IQGAP2: variants seen among roughly 807,000 people sequenced by gnomAD.
IQGAP2 encodes the protein IQ motif containing GTPase activating protein 2.
In IQGAP2, 173 loss-of-function variants were observed where a neutral mutation model predicts 201.3. That is an observed-to-expected ratio of 0.86 (90% CI 0.76 to 0.98). IQGAP2 has a LOEUF of 0.98. Ranked by LOEUF, IQGAP2 falls within the 50% of genes least tolerant of loss-of-function variation. The pLI is 0.00. For synonymous variants in IQGAP2, 675 were observed against 673.9 expected (o/e 1.00, Z -0.03); for missense variants, 1,687 against 1,864.8 (o/e 0.90, Z 1.76).
At chr5:76,630,378 C>T (rs1750598009) in intron 14 of IQGAP2, among the ~76,000 whole-genome samples, 2 of 152,144 alleles carry the variant, frequency 1.3e-5, no homozygotes, top group South Asian at 4.1e-4. Context: ...CTACTTTATA[C>T]CATAGACTTT....
chr5:76,501,440 A>G (rs976334618), intron 2 of IQGAP2, among the ~76,000 whole-genome samples: 2 of 152,044 alleles, frequency 1.3e-5, no homozygotes, highest in African/African-American at 4.8e-5. Flanking sequence ...ATAATAAACT[A>G]TAAAGGAAAA....
chr5:76,509,057 G>GTA (rs773807316), intron 2 of IQGAP2, among the ~76,000 whole-genome samples: 8 of 141,858 alleles, frequency 5.6e-5, no homozygotes, highest in Non-Finnish European at 9.4e-5. Context: ...GTGTGTGTGT[G>GTA]TATGTATGTA....
chr5:76,412,030 C>T (rs1477026097), intron 1 of IQGAP2, among the ~76,000 whole-genome samples: 1 of 152,086 alleles, frequency 6.6e-6, no homozygotes, highest in Non-Finnish European at 1.5e-5. Flanking sequence ...TTTTTTTTCT[C>T]TCCAGGACAC....
At chr5:76,448,482 A>C (rs1753538608) in intron 1 of IQGAP2, among the ~76,000 whole-genome samples, 1 of 152,168 alleles carries the variant, frequency 6.6e-6, no homozygotes, top group African/African-American at 2.4e-5. Context: ...TCAAGATGAA[A>C]GGAAGGCTGG....
intron 21 of IQGAP2, 149 bp downstream of exon 21, chr5:76,658,816 A>T: frequency 1.3e-6 from 1 of 746,294 alleles, no homozygotes. Context: ...ACTTACCTAA[A>T]CATAGATGGT....
chr5:76,617,827 G>A lies in IQGAP2; in HGVS notation c.1521+6644G>A, dbSNP rs142494940. On this transcript the variant is annotated intron_variant, in intron 13 of 35. Coordinates refer to ENST00000274364, the MANE Select transcript of IQGAP2 (RefSeq NM_006633.5). Reference sequence around the variant, plus strand: ...GCCTTAACATACCACAACCATCTATGATCGTATGCATTAAGTGTCCGGATG... The same window carrying A: ...GCCTTAACATACCACAACCATCTATAATCGTATGCATTAAGTGTCCGGATG... 3.7e-6 allele frequency: 6 copies of A among 1,613,756 alleles called. No homozygotes were observed. Among genetic ancestry groups the A allele is most frequent in the African/African-American group, 1.3e-5 (1 of 74,880 alleles).
chr5:76,569,044 A>C (rs750039334), intron 3 of IQGAP2, among the ~76,000 whole-genome samples: 4 of 152,198 alleles, frequency 2.6e-5, no homozygotes, highest in Non-Finnish European at 5.9e-5. Flanking sequence ...CTGACCTGTC[A>C]ACTCTCTGGG....
intron 12 of IQGAP2, 84 bp from the exon 13 acceptor site, chr5:76,610,936 T>G: frequency 8.8e-7 from 1 of 1,131,048 alleles, no homozygotes; most frequent in Non-Finnish European, 1.3e-6. Context: ...GCTGTACTAG[T>G]TAATTAGCCT....
Position 76,524,460 on chromosome 5 carries a change from C to G in IQGAP2, c.147-37936C>G, listed in dbSNP as rs762461785. 2.0e-5 allele frequency among the ~76,000 whole-genome samples: 3 copies of G among 152,124 alleles called. No homozygotes were observed. The East Asian group carries it at 5.8e-4, about 29-fold the overall frequency. On this transcript the variant is annotated intron_variant, in intron 2 of 35. Transcript: ENST00000274364. ...ATTTGAGAATCAGTTAGTACCGATC[C>G]GATCCAGTGATATATAAGCAAAAAT...
chr5:76,604,824 G>T (rs1167182206), intron 11 of IQGAP2, among the ~76,000 whole-genome samples: 1 of 152,104 alleles, frequency 6.6e-6, no homozygotes, highest in African/African-American at 2.4e-5. Flanking sequence ...AAAATAAATT[G>T]TTACCACCAT....
intron 15 of IQGAP2, among the ~76,000 whole-genome samples, chr5:76,632,804 A>T (rs1489324510): frequency 3.0e-5 from 4 of 132,548 alleles, no homozygotes; most frequent in Non-Finnish European, 6.6e-5. Flanking sequence ...CCTTAGAAGT[A>T]GAGCTTAAGG....
intron 2 of IQGAP2, among the ~76,000 whole-genome samples, chr5:76,463,507 G>A (rs894787344): frequency 6.6e-6 from 1 of 152,216 alleles, no homozygotes; most frequent in Non-Finnish European, 1.5e-5. Context: ...GAAGGTGAAA[G>A]TATTCTGTAA....
chr5:76,524,623 A>C (rs1013564368), intron 2 of IQGAP2, among the ~76,000 whole-genome samples: 1 of 152,232 alleles, frequency 6.6e-6, no homozygotes, highest in Non-Finnish European at 1.5e-5. Context: ...ATCAAAAAAC[A>C]TAAGAGTTGA....
chr5:76,523,622 A>C (rs1451971651), intron 2 of IQGAP2, among the ~76,000 whole-genome samples: 2 of 152,188 alleles, frequency 1.3e-5, no homozygotes, highest in Non-Finnish European at 2.9e-5. Flanking sequence ...CTGTCCAATC[A>C]GCTATGCAGT....
intron 1 of IQGAP2, among the ~76,000 whole-genome samples, chr5:76,427,991 A>C (rs533801377): frequency 7.2e-4 from 110 of 152,316 alleles, no homozygotes; most frequent in Non-Finnish European, 1.4e-3. Context: ...CTTACCTGGC[A>C]CTGAGGGGAG....
intron 32 of IQGAP2, 121 bp from the exon 33 acceptor site, chr5:76,697,866 A>G: frequency 1.5e-6 from 1 of 662,582 alleles, no homozygotes; most frequent in Non-Finnish European, 2.5e-6. Context: ...TGCCTGAGAT[A>G]AGCTACAAGT....
At chr5:76,426,941 T>A (rs1752044250) in intron 1 of IQGAP2, among the ~76,000 whole-genome samples, 1 of 149,908 alleles carries the variant, frequency 6.7e-6, no homozygotes, top group Admixed American at 6.7e-5. Context: ...TGTGTGAGTG[T>A]GTGCAGGACT....
chr5:76,636,079 A>G (rs1418295771), intron 15 of IQGAP2, among the ~76,000 whole-genome samples: 1 of 152,220 alleles, frequency 6.6e-6, no homozygotes, highest in Non-Finnish European at 1.5e-5. Flanking sequence ...AAGCATCAAC[A>G]CATATTAAAG....
chr5:76,569,394 A>C (rs2150268091), intron 3 of IQGAP2, among the ~76,000 whole-genome samples: 1 of 152,128 alleles, frequency 6.6e-6, no homozygotes, highest in East Asian at 1.9e-4. Context: ...CATTATTCCC[A>C]GTTTGAGTCT....
Sources: allele counts gnomAD v4.1 joint callset (sites outside exome capture counted in the v4.1 genomes callset), GRCh38; gene constraint gnomAD v4.1.1; transcripts MANE v1.5; gene names NCBI Gene and HGNC (gene_info 2026-07-23, HGNC 2026-07-21).